Variants in GOSR2 observed in about 807,000 individuals in gnomAD.
GOSR2 encodes the protein golgi SNAP receptor complex member 2.
In GOSR2, 20 loss-of-function variants were observed where a neutral mutation model predicts 27.9. That is an observed-to-expected ratio of 0.72 (90% confidence interval 0.50 to 1.04). The LOEUF (loss-of-function observed/expected upper bound fraction) is 1.04. Ranked by LOEUF, GOSR2 falls within the 50% of genes least tolerant of loss-of-function variation. The probability of loss-of-function intolerance (pLI) is 0.00; values close to 1 mark genes in which losing one functional copy is unlikely to be tolerated. For missense variants in GOSR2, 261 were observed against 270.5 expected (o/e 0.97, Z 0.25); for synonymous variants, 91 against 98.8 (o/e 0.92, Z 0.47).
chr17:46,964,536 G>C (rs1368651384), intron 6 of GOSR2: 1 of 152,490 alleles, frequency 6.6e-6, no homozygotes, highest in Non-Finnish European at 1.5e-5. Flanking sequence ...AGGTGGGGAG[G>C]CTGGTTGTCC....
At chr17:46,963,507 G>C (rs747281760) in intron 6 of GOSR2, among the ~76,000 whole-genome samples, 2 of 148,788 alleles carry the variant, frequency 1.3e-5, no homozygotes, top group East Asian at 3.9e-4. Flanking sequence ...ATCACACCAC[G>C]CACTCCAGCC....
At chr17:46,952,150 A>G (rs1187646390) in intron 6 of GOSR2, among the ~76,000 whole-genome samples, 1 of 152,146 alleles carries the variant, frequency 6.6e-6, no homozygotes. Flanking sequence ...TTATCTACCC[A>G]GCATCTCGTC....
At chr17:46,953,784 G>A (rs891104054) in intron 6 of GOSR2, among the ~76,000 whole-genome samples, 6 of 152,176 alleles carry the variant, frequency 3.9e-5, no homozygotes, top group Non-Finnish European at 8.8e-5. Flanking sequence ...TTTCTCTGAT[G>A]GCCAGTGATG....
intron 1 of GOSR2, among the ~76,000 whole-genome samples, chr17:46,925,059 G>A (rs2086281621): frequency 6.6e-6 from 1 of 152,154 alleles, no homozygotes. Flanking sequence ...CCCCAAACAA[G>A]GTGTGTGGAG....
At chr17:46,965,984 T>A (rs1444797771) in intron 6 of GOSR2, among the ~76,000 whole-genome samples, 1 of 151,858 alleles carries the variant, frequency 6.6e-6, no homozygotes, top group Non-Finnish European at 1.5e-5. Context: ...AGGGCTGGAG[T>A]ATTTAGCCCA....
intron 2 of GOSR2, chr17:46,930,786 AG>A (rs1285897668): frequency 7.6e-6 from 2 of 264,122 alleles, no homozygotes; most frequent in African/African-American, 2.3e-5. Flanking sequence ...TTTAGCTTAA[AG>A]TATTTATTTG....
rs1452842809 is a variant in GOSR2 at position 46,939,732 on chromosome 17, G to T, written c.*972G>T. 12 of 987,058 alleles carry T rather than the reference G, an allele frequency of 1.2e-5. No homozygotes were observed. Among genetic ancestry groups the T allele is most frequent in the African/African-American group, 1.7e-5 (1 of 57,242 alleles). The allele number at this position is 987,058 out of a possible 1,614,324, so 61.1% of individuals were successfully genotyped here. A position where few individuals can be genotyped will look rare whatever the true frequency, so the allele number is the denominator to read the frequency against. On this transcript the variant is annotated 3_prime_UTR_variant, in exon 6 of 6. Coordinates refer to ENST00000640051, the MANE Select transcript of GOSR2 (RefSeq NM_004287.5). ...ATCCCACCGTGGAGACATCTGTAGT[G>T]TGTATGTCCTTGTAACACTCTGTTT... is the stretch of plus-strand genomic sequence containing the variant.
chr17:46,946,092 C>T (rs1421522081), downstream of GOSR2, among the ~76,000 whole-genome samples: 1 of 151,942 alleles, frequency 6.6e-6, no homozygotes, highest in Non-Finnish European at 1.5e-5. Context: ...CCTTAGGCCA[C>T]CTGGGAATCA....
At chr17:46,931,790 C>T (rs920612995) in intron 3 of GOSR2, 22 of 516,354 alleles carry the variant, frequency 4.3e-5, no homozygotes, top group African/African-American at 3.8e-4. Context: ...AGCCTGCTTC[C>T]TGTCCCCTGT....
intron 6 of GOSR2, chr17:46,966,390 C>T: frequency 1.8e-6 from 1 of 555,052 alleles, no homozygotes; most frequent in Non-Finnish European, 3.2e-6. Context: ...CTTCAAGGCC[C>T]TCAGATACCT....
intron 2 of GOSR2, chr17:46,930,148 C>CCT (rs2087121250): frequency 6.5e-6 from 1 of 154,540 alleles, no homozygotes; most frequent in Non-Finnish European, 1.4e-5. Context: ...TGCTGGGCTC[C>CCT]CTCAGGACCC....
At position 46,956,059 on chromosome 17, in the gene GOSR2, C is replaced by T. The variant is rs567842207; in HGVS notation, c.584-10475C>T. Among the ~76,000 whole-genome samples, 5 of 152,238 alleles carry T rather than the reference C, an allele frequency of 3.3e-5. No individual in the cohort carries two copies. In the South Asian group the frequency reaches 1.0e-3, roughly 32 times the overall value. ...AAGACAGGAAGATACGGAGTCTGAA[C>T]CCCATAGAGATGGAGAGTGGGAGGA... On this transcript the variant is annotated intron_variant, in intron 6 of 6. Coordinates refer to the GOSR2 transcript ENST00000573224.
At chr17:46,936,493 G>A (rs756470664) in intron 5 of GOSR2, 32 of 985,498 alleles carry the variant, frequency 3.2e-5, no homozygotes, top group Non-Finnish European at 3.7e-5. Context: ...GCTACCTGGT[G>A]TTTGTCTCTT....
rs758552649 is a variant in GOSR2 at position 46,939,673 on chromosome 17, C to T, written c.*913C>T. ...CCTGAAATATATTAGCACCTGCCAG[C>T]CAGGCCCTCATTTTGCCCAGCCAGT... On this transcript the variant is annotated 3_prime_UTR_variant, in exon 6 of 6. Coordinates refer to ENST00000640051, the MANE Select transcript of GOSR2 (RefSeq NM_004287.5). 22 of 985,354 alleles carry T rather than the reference C, an allele frequency of 2.2e-5. No homozygotes were observed. Among genetic ancestry groups the T allele is most frequent in the Non-Finnish European group, 2.5e-5 (21 of 829,934 alleles). 61.0% of individuals were successfully genotyped at this position (985,354 alleles called of 1,614,324 possible).
rs1276300192 is a variant in GOSR2 at position 46,929,760 on chromosome 17, C to G, written c.94+176C>G. On this transcript the variant is annotated intron_variant, in intron 2 of 5. Transcript: ENST00000640051. ...AGTCACTGATTTCCCTGAGTGTGCC[C>G]TTTGGAATCCCACAAGTCTTATCCC... 3 of 601,512 alleles carry G rather than the reference C, an allele frequency of 5.0e-6. No individual in the cohort carries two copies. The East Asian group carries it at 8.6e-5, about 17-fold the overall frequency. The allele number at this position is 601,512 out of a possible 1,614,324, so 37.3% of individuals were successfully genotyped here. A position where few individuals can be genotyped will look rare whatever the true frequency, so the allele number is the denominator to read the frequency against.
At chr17:46,943,808 C>T (rs950095930), downstream of GOSR2, among the ~76,000 whole-genome samples, 9 of 152,336 alleles carry the variant, frequency 5.9e-5, no homozygotes, top group East Asian at 5.8e-4. Flanking sequence ...CATGGGGCCC[C>T]GTGAGGGAAA....
At chr17:46,934,611 A>G (rs2087965962) in intron 4 of GOSR2, among the ~76,000 whole-genome samples, 1 of 152,222 alleles carries the variant, frequency 6.6e-6, no homozygotes, top group South Asian at 2.1e-4. Flanking sequence ...TAAAATAGCT[A>G]AAGGACACGA....
chr17:46,941,092 G>T lies in GOSR2; in HGVS notation c.*2332G>T. The stretch of plus-strand genomic sequence containing the variant: ...GTGACCTTGTACATGAGTTTGGTGT[G>T]CCTATTGTGATTTAAAACAGGTGGG... On this transcript the variant is annotated 3_prime_UTR_variant, in exon 6 of 6. Coordinates refer to ENST00000640051, the MANE Select transcript of GOSR2 (RefSeq NM_004287.5). The T allele has an allele frequency of 9.6e-7, 1 of 1,040,904 alleles. No individual in the cohort carries two copies. The highest frequency in any genetic ancestry group is 1.2e-6 in the Non-Finnish European group (1 of 862,040). 64.5% of individuals were successfully genotyped at this position (1,040,904 alleles called of 1,614,324 possible).
chr17:46,965,303 A>G (rs1159917089), intron 6 of GOSR2, among the ~76,000 whole-genome samples: 2 of 152,176 alleles, frequency 1.3e-5, no homozygotes, highest in Non-Finnish European at 2.9e-5. Flanking sequence ...CCTTTTCTGC[A>G]TCCTCCCTGG....
Sources: allele counts gnomAD v4.1 joint callset (sites outside exome capture counted in the v4.1 genomes callset), GRCh38; gene constraint gnomAD v4.1.1; transcripts MANE v1.5; gene names NCBI Gene and HGNC (gene_info 2026-07-23, HGNC 2026-07-21).